The following ATAD2 variants were observed in gnomAD, a reference collection of about 807,000 sequenced individuals.
ATAD2 encodes ATPase family AAA domain containing 2.
ATAD2 carries 62 observed loss-of-function variants against 168.9 expected under a neutral mutation model. The ratio of observed to expected loss-of-function variants is 0.37; its 90% CI spans 0.30 to 0.45. ATAD2 has a LOEUF of 0.45. Among genes scored for constraint, ATAD2 ranks in the 20% least tolerant of loss-of-function variants. ATAD2 has a pLI of 1.00. For synonymous variants in ATAD2, 613 were observed against 571.6 expected (o/e 1.07, Z -1.03); for missense variants, 1,419 against 1,667.8 (o/e 0.85, Z 2.60).
intron 8 of ATAD2, among the ~76,000 whole-genome samples, chr8:123,366,729 CAGG>C: frequency 6.6e-6 from 1 of 152,172 alleles, no homozygotes; most frequent in Non-Finnish European, 1.5e-5. Context: ...TGTGGGAACT[CAGG>C]GGGAAAGAGT....
rs1252329222 is a variant in ATAD2, at chr8:123,368,936, C to T, written c.1049+122G>A. 7.2e-6 allele frequency: 3 copies of T among 417,826 alleles called. 1 individual carries two copies. Among genetic ancestry groups the T allele is most frequent in the Non-Finnish European group, 1.2e-5 (3 of 251,976 alleles). 25.9% of individuals were successfully genotyped at this position (417,826 alleles called of 1,614,324 possible). ...GACTACTAAAGGTATAGAAACTAAG[C>T]TCTCCCAAATACACAATTCTAGAAT... On this transcript the variant is annotated intron_variant, in intron 8 of 27. Transcript: ENST00000287394.
chr8:123,385,389 C>T (rs10956125), intron 1 of ATAD2, among the ~76,000 whole-genome samples: 25,832 of 152,106 alleles, frequency 0.17, 2,284 homozygotes, highest in Middle Eastern at 0.22. Context: ...AACATATCAA[C>T]TGGTTTTTAG....
At chr8:123,400,582 G>A (rs1563871144), upstream of ATAD2, 3 of 539,684 alleles carry the variant, frequency 5.6e-6, no homozygotes, top group Non-Finnish European at 1.0e-5. This position sits in a 1 kb window ranked among gnomAD's most constrained non-coding sequence, Gnocchi z 4.5. Flanking sequence ...CAGCCTGACA[G>A]ACTACCTGAT....
chr8:123,374,148 C>G (rs1423332312), intron 2 of ATAD2, among the ~76,000 whole-genome samples: 1 of 152,148 alleles, frequency 6.6e-6, no homozygotes, highest in African/African-American at 2.4e-5. Context: ...CAAGACCAGC[C>G]TGGCCAACAT....
chr8:123,365,827 A>C (rs1220493963), intron 8 of ATAD2, among the ~76,000 whole-genome samples: 1 of 152,214 alleles, frequency 6.6e-6, no homozygotes, highest in African/African-American at 2.4e-5. Flanking sequence ...TCTAGAAGAT[A>C]ACATCAGGAA....
intron 19 of ATAD2, 183 bp downstream of exon 19, chr8:123,344,689 TATATACATACAC>T (rs1410633190): frequency 1.7e-6 from 1 of 587,254 alleles, no homozygotes; most frequent in African/African-American, 1.9e-5. Flanking sequence ...GTATCCTTAA[TATATACATACAC>T]ATATACATAT....
At position 123,336,392 on chromosome 8, in the gene ATAD2, A is replaced by G. The variant is rs1364766562; in HGVS notation, c.3192T>C (p.Asn1064=). Residue 1064 remains asparagine (N), a synonymous_variant, in exon 22 of 28, where the codon AAT becomes AAC. Coordinates refer to ENST00000287394, the MANE Select transcript of ATAD2 (RefSeq NM_014109.4). Reference sequence around the variant, plus strand: ...GCTCACCTCCAGGATCTCTATCTGGATTGTATTCTAAGGCATTACTACAGA... The same window carrying G: ...GCTCACCTCCAGGATCTCTATCTGGGTTGTATTCTAAGGCATTACTACAGA... ...DLICSNALEY[N]PDRDPGDRLI... is the part of the protein sequence containing the mutation. The G allele has an allele frequency of 2.5e-6, 4 of 1,582,348 alleles. No homozygotes were observed. In the Admixed American group the frequency reaches 5.9e-5, roughly 23 times the overall value.
chr8:123,339,923 C>T (rs1050952233), intron 19 of ATAD2, among the ~76,000 whole-genome samples: 3 of 151,796 alleles, frequency 2.0e-5, no homozygotes, highest in South Asian at 4.2e-4. Flanking sequence ...GACAAGGTCT[C>T]GCTCTGTCAC....
At position 123,327,715 on chromosome 8, in the gene ATAD2, A is replaced by C. The variant is rs1827651859; in HGVS notation, c.3868+475T>G. 2.0e-5 allele frequency among the ~76,000 whole-genome samples: 3 copies of C among 152,214 alleles called. No individual in the cohort carries two copies. In the South Asian group the frequency reaches 6.2e-4, roughly 32 times the overall value. On this transcript the variant is annotated intron_variant, in intron 25 of 27. Coordinates refer to ENST00000287394, the MANE Select transcript of ATAD2 (RefSeq NM_014109.4). ...ATTTGGGGAGCAGATCAGTAGAATA[A>C]ATATAAATAATCTTGGACTTAACCT...
chr8:123,385,908 T>C (rs1217377355), intron 1 of ATAD2, among the ~76,000 whole-genome samples: 3 of 149,856 alleles, frequency 2.0e-5, no homozygotes, highest in Non-Finnish European at 4.4e-5. Context: ...TCTCCAAAGA[T>C]AGACAAATAG....
chr8:123,333,784 T>A, intron 24 of ATAD2, 94 bp downstream of exon 24: 4 of 1,337,816 alleles, frequency 3.0e-6, no homozygotes, highest in Non-Finnish European at 4.0e-6. Flanking sequence ...ATTCACTGCA[T>A]TAACACAAAT....
intron 13 of ATAD2, among the ~76,000 whole-genome samples, chr8:123,353,204 A>C (rs960752587): frequency 6.6e-6 from 1 of 152,128 alleles, no homozygotes; most frequent in African/African-American, 2.4e-5. Flanking sequence ...TCTCTACTAA[A>C]AGTTCAAAAA....
At chr8:123,389,984 A>ATATATATATATT (rs1232318597) in intron 1 of ATAD2, among the ~76,000 whole-genome samples, 2 of 115,134 alleles carry the variant, frequency 1.7e-5, no homozygotes, top group African/African-American at 8.7e-5. Context: ...ATATATATAT[A>ATATATATATATT]TTTTTTTTTT....
chr8:123,331,969 A>C (rs1285606787), intron 24 of ATAD2, among the ~76,000 whole-genome samples: 1 of 152,230 alleles, frequency 6.6e-6, no homozygotes, highest in Non-Finnish European at 1.5e-5. Context: ...GTGATTTAAT[A>C]CTGAGTCTTT....
At chr8:123,361,684 G>A in intron 8 of ATAD2, 38 bp from the exon 9 acceptor site, 3 of 1,528,756 alleles carry the variant, frequency 2.0e-6, no homozygotes, top group East Asian at 2.3e-5. Flanking sequence ...TGATAAGGAA[G>A]GGCAGGAAAA....
chr8:123,396,763 C>T (rs961999178), upstream of ATAD2, among the ~76,000 whole-genome samples: 1 of 152,112 alleles, frequency 6.6e-6, no homozygotes, highest in Non-Finnish European at 1.5e-5. Context: ...GGAAGGGAGG[C>T]CTCTGCGCGC....
In ATAD2 at chr8:123,333,952, C is replaced by T. The variant is rs1433571684; in HGVS notation, c.3404G>A (p.Gly1135Asp). 6.2e-7 allele frequency: 1 copy of T among 1,614,060 alleles called. No individual in the cohort carries two copies. The highest frequency in any genetic ancestry group is 8.5e-7 in the Non-Finnish European group (1 of 1,180,002). Residue 1135 changes from glycine (G) to aspartate (D), a missense_variant, in exon 24 of 28, where the codon GGT (glycine) becomes GAT (aspartate). By Grantham distance (94) the Gly-to-Asp change is moderately conservative. Coordinates refer to ENST00000287394, the MANE Select transcript of ATAD2 (RefSeq NM_014109.4). The stretch of plus-strand genomic sequence containing the variant: ...CTGCTCTGGGTCTGATCTTTTATCA[C>T]CAACAAGAGTGGAATTTTGCTTTGG... ...VMPKQNSTLV[G>D]DKRSDPEQNE...
chr8:123,360,411 G>A (rs182646417), intron 9 of ATAD2, among the ~76,000 whole-genome samples: 48 of 151,788 alleles, frequency 3.2e-4, no homozygotes, highest in South Asian at 3.1e-3. Flanking sequence ...GTGTGATCTC[G>A]GCTCGCTGCA....
At chr8:123,353,158 G>A (rs886365308) in intron 13 of ATAD2, among the ~76,000 whole-genome samples, 4 of 152,156 alleles carry the variant, frequency 2.6e-5, no homozygotes, top group Non-Finnish European at 5.9e-5. Context: ...GAGGCCAGGA[G>A]TTCAAGACCA....
Sources: gnomAD v4.1 joint callset for allele counts (sites outside exome capture counted in the v4.1 genomes callset) on GRCh38, gnomAD v4.1.1 for gene constraint, Gnocchi (gnomAD v3.1) non-coding constraint, MANE v1.5 for transcripts, NCBI Gene and HGNC (gene_info 2026-07-23, HGNC 2026-07-21) for gene names.